ITIH5: variants seen among roughly 807,000 people sequenced by gnomAD.
ITIH5 encodes inter-alpha-trypsin inhibitor heavy chain 5, also known as inter-alpha-trypsin inhibitor heavy chain H5.
Under a neutral mutation model 77.5 loss-of-function variants are expected in ITIH5, and 65 were observed. That is an observed-to-expected ratio of 0.84 (90% CI 0.69 to 1.03). The LOEUF is 1.03. Among genes scored for constraint, ITIH5 ranks in the 50% least tolerant of loss-of-function variants. The pLI is 0.00. For missense variants in ITIH5, 1,208 were observed against 1,213.1 expected (o/e 1.00, Z 0.06); for synonymous variants, 525 against 494.3 (o/e 1.06, Z -0.82).
At chr10:7,610,894 G>C (rs1164207833) in intron 7 of ITIH5, among the ~76,000 whole-genome samples, 3 of 152,344 alleles carry the variant, frequency 2.0e-5, no homozygotes, top group South Asian at 2.1e-4. Context: ...TCAGTGGCTA[G>C]CAAGGAATGG....
intron 8 of ITIH5, among the ~76,000 whole-genome samples, chr10:7,583,543 A>C (rs1486016635): frequency 6.6e-6 from 1 of 152,186 alleles, no homozygotes; most frequent in Non-Finnish European, 1.5e-5. Flanking sequence ...CATGTTGCCC[A>C]GGCTGGTCTC....
At chr10:7,666,737 C>T in intron 1 of ITIH5, 66 bp downstream of exon 1, 3 of 1,350,406 alleles carry the variant, frequency 2.2e-6, no homozygotes, top group Non-Finnish European at 3.1e-6. Context: ...AGAAGCTCCG[C>T]GGCCGGGCCG....
At chr10:7,578,180 G>C (rs2130960132) in intron 9 of ITIH5, 1 of 158,894 alleles carries the variant, frequency 6.3e-6, no homozygotes, top group Middle Eastern at 3.4e-3. Flanking sequence ...TGACTTCTGG[G>C]AGCAGGATCT....
rs937944417 is a variant in ITIH5 at position 7,571,059 on chromosome 10, G to T, written c.2033-1275C>A. 2.0e-5 allele frequency among the ~76,000 whole-genome samples: 3 copies of T among 152,316 alleles called. No individual in the cohort carries two copies. In the South Asian group the frequency reaches 6.2e-4, roughly 32 times the overall value. On this transcript the variant is annotated intron_variant, in intron 11 of 13. Transcript: ENST00000397146. ...GCAAACTAACATCCCTGCATTGACT[G>T]CTGAGAAACCCTTTCTGCCCCAGCA...
In ITIH5 at chr10:7,559,737, C is replaced by T. The variant is rs1832004290; in HGVS notation, c.*3346G>A. On this transcript the variant is annotated 3_prime_UTR_variant, in exon 14 of 14. Transcript: ENST00000397146. ...GGCTGGGAGGTCCAAGATCAAGGTG[C>T]CAGCAGACATGGTGTCTGGTGAGGG... 4 of 441,114 alleles carry T rather than the reference C, an allele frequency of 9.1e-6. No homozygotes were observed. The highest frequency in any genetic ancestry group is 7.5e-5 in the Admixed American group (3 of 39,778). 27.3% of individuals were successfully genotyped at this position (441,114 alleles called of 1,614,324 possible).
intron 2 of ITIH5, among the ~76,000 whole-genome samples, chr10:7,642,580 A>G (rs544323363): frequency 9.8e-5 from 15 of 152,352 alleles, no homozygotes; most frequent in East Asian, 9.6e-4. Context: ...GAGCTTCCCT[A>G]TCTGAATTAC....
intron 2 of ITIH5, 39 bp from the exon 3 acceptor site, chr10:7,642,129 TGAAA>T (rs1037932851): frequency 6.5e-7 from 1 of 1,535,530 alleles, no homozygotes; most frequent in African/African-American, 1.4e-5. Flanking sequence ...CGGTGATGCA[TGAAA>T]GCATTTTGGT....
At chr10:7,617,024 T>G in intron 6 of ITIH5, 89 bp downstream of exon 6, 1 of 773,542 alleles carries the variant, frequency 1.3e-6, no homozygotes, top group East Asian at 3.0e-5. Flanking sequence ...GAAAGTTCTC[T>G]CTCCCTTAGG....
chr10:7,579,675 C>T (rs1832499138), intron 9 of ITIH5, 80 bp downstream of exon 9: 2 of 1,403,608 alleles, frequency 1.4e-6, no homozygotes, highest in Non-Finnish European at 2.0e-6. Flanking sequence ...TGCAGCAACA[C>T]ACTCCTCTCT....
chr10:7,600,889 C>T (rs1382760483), intron 7 of ITIH5, among the ~76,000 whole-genome samples: 1 of 152,168 alleles, frequency 6.6e-6, no homozygotes, highest in African/African-American at 2.4e-5. Context: ...AGAAGGTGGG[C>T]CCTCCCCAGA....
chr10:7,633,570 C>A (rs561612063), intron 5 of ITIH5, among the ~76,000 whole-genome samples: 1 of 152,112 alleles, frequency 6.6e-6, no homozygotes, highest in South Asian at 2.1e-4. Flanking sequence ...TGTTTAAATT[C>A]TATTTCTATC....
At position 7,576,520 on chromosome 10, in the gene ITIH5, G is replaced by A. The variant is rs572386195; in HGVS notation, c.1911C>T (p.His637=). The A allele has an allele frequency of 2.4e-5, 38 of 1,612,050 alleles. No individual in the cohort carries two copies. In the South Asian group the frequency reaches 2.5e-4, roughly 11 times the overall value. The change falls in exon 10 of 14, where the codon CAC becomes CAT. Residue 637 remains histidine (H), a synonymous_variant. Transcript: ENST00000397146. Reference sequence around the variant, plus strand: ...CGGGTCCCATGGCAGCCGACATGCCGTGGGCCTCCTCCAGGCCATCCATGC... The same window carrying A: ...CGGGTCCCATGGCAGCCGACATGCCATGGGCCTCCTCCAGGCCATCCATGC... The part of the protein sequence containing the change: ...VPRMDGLEEA[H]GMSAAMGPEP...
intron 8 of ITIH5, among the ~76,000 whole-genome samples, chr10:7,581,762 A>G (rs1588371558): frequency 9.4e-6 from 1 of 106,090 alleles, no homozygotes; most frequent in African/African-American, 3.8e-5. Context: ...GGGTCTCACT[A>G]TGTTGCCCAG....
intron 5 of ITIH5, chr10:7,621,517 G>A (rs1425910226): frequency 6.6e-6 from 1 of 152,094 alleles, no homozygotes; most frequent in African/African-American, 2.4e-5. Context: ...CCAAAGAATG[G>A]GTTGATTCTC....
intron 2 of ITIH5, among the ~76,000 whole-genome samples, chr10:7,644,546 A>ATGATATATATCACATATATATG (rs1554757643): frequency 0.02 from 2,370 of 115,750 alleles, 131 homozygotes; most frequent in African/African-American, 0.054. Context: ...TCACATATAT[A>ATGATATATATCACATATATATG]TGATATATCA....
At chr10:7,654,418 C>T (rs1235262181) in intron 2 of ITIH5, among the ~76,000 whole-genome samples, 1 of 152,166 alleles carries the variant, frequency 6.6e-6, no homozygotes, top group African/African-American at 2.4e-5. Context: ...CCTTTACAAA[C>T]GTATAGTGAA....
At chr10:7,619,671 G>A (rs924169685) in intron 5 of ITIH5, 7 of 277,374 alleles carry the variant, frequency 2.5e-5, no homozygotes, top group Non-Finnish European at 3.9e-5. Flanking sequence ...GCAGGAGCGA[G>A]AGACAGAACT....
At chr10:7,581,393 GA>G (rs1832549661) in intron 8 of ITIH5, among the ~76,000 whole-genome samples, 1 of 152,196 alleles carries the variant, frequency 6.6e-6, no homozygotes, top group Non-Finnish European at 1.5e-5. Flanking sequence ...TCAACTCTGA[GA>G]AATGATGGAA....
intron 12 of ITIH5, among the ~76,000 whole-genome samples, chr10:7,566,844 GGAAGAAGAAGAAGAAGAAGAA>G (rs576015885): frequency 0.027 from 481 of 17,754 alleles, 16 homozygotes; most frequent in Middle Eastern, 0.038. Flanking sequence ...AAGAGGAAGA[GGAAGAAGAAGAAGAAGAAGAA>G]GAAGAAGAAG....
Sources: gnomAD v4.1 joint callset for allele counts (sites outside exome capture counted in the v4.1 genomes callset) on GRCh38, gnomAD v4.1.1 for gene constraint, MANE v1.5 for transcripts, NCBI Gene and HGNC (gene_info 2026-07-23, HGNC 2026-07-21) for gene names.